Variants in RELN observed in about 807,000 individuals in gnomAD.
The protein encoded by RELN is reelin.
In RELN, 108 loss-of-function variants were observed where a neutral mutation model predicts 427.6. That is an observed-to-expected ratio of 0.25 (90% CI 0.22 to 0.30). The LOEUF (loss-of-function observed/expected upper bound fraction) is 0.30, where lower values mean the gene tolerates loss of function less well. RELN is among the 10% of genes least tolerant of loss of function. The probability of loss-of-function intolerance (pLI) is 1.00; values close to 1 mark genes in which losing one functional copy is unlikely to be tolerated. For missense variants in RELN, 3,715 were observed against 4,302.8 expected (o/e 0.86, Z 3.82); for synonymous variants, 1,524 against 1,513.4 (o/e 1.01, Z -0.16).
chr7:103,587,999 A>T (rs192420159), intron 28 of RELN, among the ~76,000 whole-genome samples: 1 of 152,182 alleles, frequency 6.6e-6, no homozygotes, highest in African/African-American at 2.4e-5. Flanking sequence ...AACACTAAAA[A>T]TAAAATTACC....
intron 6 of RELN, among the ~76,000 whole-genome samples, chr7:103,746,101 G>A (rs891062982): frequency 1.3e-5 from 2 of 152,044 alleles, no homozygotes; most frequent in African/African-American, 4.8e-5. Flanking sequence ...AGAGCCCTCA[G>A]AAATAATGCT....
intron 1 of RELN, among the ~76,000 whole-genome samples, chr7:103,962,910 A>G (rs1459307207): frequency 2.0e-5 from 3 of 152,204 alleles, no homozygotes; most frequent in Non-Finnish European, 1.5e-5. Context: ...AACATAAGGT[A>G]ATATAAAATT....
intron 28 of RELN, among the ~76,000 whole-genome samples, chr7:103,586,194 T>C (rs1831266317): frequency 1.3e-5 from 2 of 151,814 alleles, no homozygotes; most frequent in Admixed American, 1.3e-4. Flanking sequence ...AAATCCCGTT[T>C]CTACTAAAAA....
intron 11 of RELN, among the ~76,000 whole-genome samples, chr7:103,678,683 A>G (rs1562953369): frequency 6.6e-6 from 1 of 152,218 alleles, no homozygotes; most frequent in East Asian, 1.9e-4. Flanking sequence ...AGGACTGCAT[A>G]CTCTTTTTTC....
In RELN at chr7:103,977,513, A is replaced by C. The variant is rs150899125; in HGVS notation, c.226+11618T>G. ...TTAGGCTAGATCTATATGTACAATAAGAACGCAATTCCACCCTACCCCTGC... is the reference window on the plus strand; with the variant it reads ...TTAGGCTAGATCTATATGTACAATACGAACGCAATTCCACCCTACCCCTGC... On this transcript the variant is annotated intron_variant, in intron 1 of 64. Coordinates refer to ENST00000428762, the MANE Select transcript of RELN (RefSeq NM_005045.4). Among the ~76,000 whole-genome samples the C allele has an allele frequency of 1.5e-3, 232 of 152,190 alleles. 2 individuals are homozygous for C. Among genetic ancestry groups the C allele is most frequent in the Middle Eastern group, 3.4e-3 (1 of 294 alleles).
chr7:103,564,689 C>T (rs945456967), intron 34 of RELN, among the ~76,000 whole-genome samples: 5 of 152,048 alleles, frequency 3.3e-5, no homozygotes, highest in East Asian at 3.9e-4. Context: ...GCAAGGATCT[C>T]GGGGGAGCAG....
At chr7:103,830,342 G>C (rs865781696) in intron 3 of RELN, among the ~76,000 whole-genome samples, 13 of 151,904 alleles carry the variant, frequency 8.6e-5, no homozygotes, top group Middle Eastern at 6.8e-3. Context: ...TTAAATAATG[G>C]TATGAGTTAA....
At chr7:103,860,973 A>T (rs896879449) in intron 2 of RELN, among the ~76,000 whole-genome samples, 1 of 152,186 alleles carries the variant, frequency 6.6e-6, no homozygotes, top group African/African-American at 2.4e-5. Context: ...TAACAAAAAT[A>T]ACAACAAAAA....
chr7:103,931,857 G>GGGAA (rs1166592863), intron 1 of RELN, among the ~76,000 whole-genome samples: 2 of 152,106 alleles, frequency 1.3e-5, no homozygotes, highest in Admixed American at 1.3e-4. Context: ...TGGAGGTGGA[G>GGGAA]GGAACACCAG....
chr7:103,572,226 T>G lies in RELN; in HGVS notation c.4546A>C (p.Thr1516Pro). 1 of 1,595,692 alleles carries G rather than the reference T, an allele frequency of 6.3e-7. No homozygotes were observed. The highest frequency in any genetic ancestry group is 8.6e-7 in the Non-Finnish European group (1 of 1,163,216). ...GGTTTGATGCAGGTAATGCCTGAAGTTTTGCTTCCAATTTGTATATAAAAT... is the reference window on the plus strand; with the variant it reads ...GGTTTGATGCAGGTAATGCCTGAAGGTTTGCTTCCAATTTGTATATAAAAT... The part of the protein sequence containing the change: ...VQFYIQIGSK[T>P]SGITCIKPRT... Residue 1516 changes from threonine to proline, a missense_variant, in exon 31 of 65, where the codon ACT becomes CCT. Coordinates refer to ENST00000428762, the MANE Select transcript of RELN (RefSeq NM_005045.4).
At chr7:103,983,552 C>T (rs909249294) in intron 1 of RELN, among the ~76,000 whole-genome samples, 3 of 152,108 alleles carry the variant, frequency 2.0e-5, no homozygotes, top group African/African-American at 7.2e-5. Flanking sequence ...TGAAATAGGG[C>T]TTTTAAAACG....
intron 1 of RELN, among the ~76,000 whole-genome samples, chr7:103,948,887 T>C (rs1796272619): frequency 6.6e-6 from 1 of 150,886 alleles, no homozygotes; most frequent in South Asian, 2.1e-4. Context: ...TGGTGGTGCA[T>C]GCCTGTAGTC....
At chr7:103,916,357 G>A (rs896028000) in intron 2 of RELN, among the ~76,000 whole-genome samples, 2 of 152,108 alleles carry the variant, frequency 1.3e-5, no homozygotes, top group African/African-American at 4.8e-5. Flanking sequence ...TTTCAATTTT[G>A]GAGTAAGATC....
chr7:103,832,776 A>G (rs1053469372), intron 3 of RELN, among the ~76,000 whole-genome samples: 2 of 152,110 alleles, frequency 1.3e-5, no homozygotes, highest in African/African-American at 4.8e-5. Context: ...GTTAGTTTCT[A>G]CAGAGTACCT....
At chr7:103,669,575 C>T (rs1195189287) in intron 11 of RELN, among the ~76,000 whole-genome samples, 7 of 151,968 alleles carry the variant, frequency 4.6e-5, no homozygotes, top group Non-Finnish European at 1.0e-4. Context: ...TTATATAGTT[C>T]CTGACTCTCT....
intron 1 of RELN, among the ~76,000 whole-genome samples, chr7:103,926,187 G>A (rs991020250): frequency 2.3e-5 from 3 of 130,962 alleles, no homozygotes; most frequent in Non-Finnish European, 4.6e-5. Flanking sequence ...TGCAACCTCT[G>A]CCTCCTCAGT....
At chr7:103,843,655 T>TAA (rs1460190840) in intron 2 of RELN, among the ~76,000 whole-genome samples, 6 of 152,202 alleles carry the variant, frequency 3.9e-5, no homozygotes, top group Non-Finnish European at 8.8e-5. Context: ...AGTTATTATA[T>TAA]ACCCTTTGTC....
intron 3 of RELN, among the ~76,000 whole-genome samples, chr7:103,830,894 TA>T (rs1450183992): frequency 2.6e-5 from 4 of 152,090 alleles, no homozygotes; most frequent in Non-Finnish European, 5.9e-5. Flanking sequence ...GTGCAAACAG[TA>T]GCATCAAAAT....
rs371560788 is a variant in RELN at position 103,871,816 on chromosome 7, G to C, written c.338-38144C>G. On this transcript the variant is annotated intron_variant, in intron 2 of 64. Transcript: ENST00000428762. Reference sequence around the variant, plus strand: ...ACATGGTATCAGTTCCTCTTTGGAAGAGAGGGCAATCCTTGCTTTGCTCAT... The same window carrying C: ...ACATGGTATCAGTTCCTCTTTGGAACAGAGGGCAATCCTTGCTTTGCTCAT... Among the ~76,000 whole-genome samples the C allele has an allele frequency of 2.5e-4, 38 of 152,182 alleles. 1 individual carries two copies. In the East Asian group the frequency reaches 2.5e-3, roughly 10 times the overall value.
Sources: gnomAD v4.1 joint callset for allele counts (sites outside exome capture counted in the v4.1 genomes callset) on GRCh38, gnomAD v4.1.1 for gene constraint, MANE v1.5 for transcripts, NCBI Gene and HGNC (gene_info 2026-07-23, HGNC 2026-07-21) for gene names.